RGS6: variants seen among roughly 807,000 people sequenced by gnomAD.
The protein encoded by RGS6 is regulator of G-protein signaling 6.
A neutral mutation model predicts 78.5 loss-of-function variants in RGS6; 30 were observed. That is an observed-to-expected ratio of 0.38 (90% CI 0.29 to 0.52). The LOEUF is 0.52. Ranked by LOEUF, RGS6 falls within the 20% of genes least tolerant of loss-of-function variation. RGS6 has a pLI of 0.85. For synonymous variants in RGS6, 206 were observed against 206.0 expected (o/e 1.00, Z 0.00); for missense variants, 495 against 609.7 (o/e 0.81, Z 1.98).
At chr14:71,919,134 A>G in the RGS6 span, among the ~76,000 whole-genome samples, 6 of 152,136 alleles carry the variant, frequency 3.9e-5, no homozygotes, top group Admixed American at 6.5e-5. Context: ...TAAGGAGTCA[A>G]TTTTGTCATC....
chr14:72,469,792 G>A, intron 7 of RGS6: 1 of 473,238 alleles, frequency 2.1e-6, no homozygotes. Flanking sequence ...AGAGACTTCA[G>A]ACTTAATGGG....
intron 2 of RGS6, among the ~76,000 whole-genome samples, chr14:72,294,697 G>C (rs2064334007): frequency 6.6e-6 from 1 of 152,096 alleles, no homozygotes; most frequent in Non-Finnish European, 1.5e-5. Context: ...CACATGGCCA[G>C]GGCAGGAGGG....
At position 72,231,878 on chromosome 14, in the gene RGS6, G is replaced by A. The variant is rs538787599; in HGVS notation, c.85-120217G>A. The stretch of plus-strand genomic sequence containing the variant: ...ATGAACTGGGATAGGTTGCAACAAG[G>A]AGCCATGTTGGGTGTGGTGGGTCAT... On this transcript the variant is annotated intron_variant, in intron 2 of 17. Transcript: ENST00000553525. Among the ~76,000 whole-genome samples the A allele has an allele frequency of 5.3e-5, 8 of 152,248 alleles. No homozygotes were observed. In the East Asian group the frequency reaches 1.5e-3, roughly 29 times the overall value.
intron 2 of RGS6, among the ~76,000 whole-genome samples, chr14:72,009,871 A>G (rs868147927): frequency 6.6e-5 from 10 of 152,218 alleles, no homozygotes; most frequent in South Asian, 4.1e-4. Flanking sequence ...ACTTGACACT[A>G]TTTCTGCCTT....
chr14:71,921,386 A>G, the RGS6 span, among the ~76,000 whole-genome samples: 1 of 152,268 alleles, frequency 6.6e-6, no homozygotes, highest in African/African-American at 2.4e-5. Flanking sequence ...ACCAAAGGAA[A>G]TGGAATTTGT....
chr14:72,584,547 G>A, the RGS6 span, among the ~76,000 whole-genome samples: 1 of 152,178 alleles, frequency 6.6e-6, no homozygotes, highest in Admixed American at 6.5e-5. Flanking sequence ...ACCATGCAGG[G>A]GTTGGGAGAA....
chr14:71,968,112 C>T (rs1479677743), intron 2 of RGS6, among the ~76,000 whole-genome samples: 1 of 152,018 alleles, frequency 6.6e-6, no homozygotes, highest in Non-Finnish European at 1.5e-5. Flanking sequence ...ATGAAGACAC[C>T]CAGACCTGTT....
intron 2 of RGS6, among the ~76,000 whole-genome samples, chr14:72,103,952 T>G (rs938139253): frequency 1.3e-5 from 2 of 152,370 alleles, no homozygotes; most frequent in Admixed American, 1.3e-4. Flanking sequence ...AAGGAGTTAA[T>G]GTAGGTGAAG....
At chr14:72,554,891 A>G (rs564505558) in intron 17 of RGS6, among the ~76,000 whole-genome samples, 62 of 152,332 alleles carry the variant, frequency 4.1e-4, no homozygotes, top group African/African-American at 1.4e-3. Flanking sequence ...TCAGCTGCTG[A>G]GTCCTTGTCT....
intron 3 of RGS6, among the ~76,000 whole-genome samples, chr14:72,388,580 T>C (rs1194403965): frequency 5.9e-5 from 9 of 152,182 alleles, no homozygotes; most frequent in Non-Finnish European, 1.2e-4. Flanking sequence ...CAGGCAGCTC[T>C]TCTGGACCTG....
intron 2 of RGS6, among the ~76,000 whole-genome samples, chr14:72,184,633 G>T (rs1343350520): frequency 6.6e-6 from 1 of 152,078 alleles, no homozygotes; most frequent in South Asian, 2.1e-4. Context: ...AAGGCAGAAG[G>T]GGGGACTTGG....
chr14:72,021,464 CT>C (rs533727083), intron 2 of RGS6, among the ~76,000 whole-genome samples: 2,227 of 122,380 alleles, frequency 0.018, 22 homozygotes, highest in African/African-American at 0.034. Flanking sequence ...CTTTTTCTAA[CT>C]TTTTTTTTTT....
intron 2 of RGS6, among the ~76,000 whole-genome samples, chr14:72,195,330 A>T (rs1180069999): frequency 6.6e-6 from 1 of 152,226 alleles, no homozygotes; most frequent in African/African-American, 2.4e-5. Flanking sequence ...TCTCTTAGTG[A>T]CAATACCAAG....
At chr14:72,540,452 A>G (rs896928562) in intron 17 of RGS6, 2 of 1,509,700 alleles carry the variant, frequency 1.3e-6, no homozygotes, top group African/African-American at 1.4e-5. Context: ...CCATCGAACT[A>G]TACCGTGAAA....
At chr14:72,134,454 A>G (rs972206635) in intron 2 of RGS6, among the ~76,000 whole-genome samples, 5 of 152,010 alleles carry the variant, frequency 3.3e-5, no homozygotes, top group African/African-American at 1.2e-4. Flanking sequence ...GGTAAATTCT[A>G]CAGAAACATT....
intron 2 of RGS6, among the ~76,000 whole-genome samples, chr14:72,254,088 G>A (rs1377673885): frequency 1.3e-5 from 2 of 152,164 alleles, no homozygotes; most frequent in East Asian, 1.9e-4. Context: ...TTGAAACAGC[G>A]TGACTGCAAA....
intron 11 of RGS6, 181 bp downstream of exon 11, chr14:72,477,021 A>G (rs1443618211): frequency 3.4e-6 from 2 of 584,832 alleles, no homozygotes; most frequent in Non-Finnish European, 6.1e-6. Context: ...GCTTGAGAGA[A>G]AGAATTCTCT....
At chr14:72,034,821 T>G (rs1474254498) in intron 2 of RGS6, among the ~76,000 whole-genome samples, 2 of 152,188 alleles carry the variant, frequency 1.3e-5, no homozygotes, top group Non-Finnish European at 2.9e-5. Context: ...AGGTTTTTGA[T>G]TACTTACTTA....
Position 72,298,599 on chromosome 14 carries a change from C to T in RGS6, c.85-53496C>T, listed in dbSNP as rs370398716. ...AGTAGCTGGGACTACAGGCACCCACCATGACATCCGGCTAATTTTTTTGTA... is the reference window on the plus strand; with the variant it reads ...AGTAGCTGGGACTACAGGCACCCACTATGACATCCGGCTAATTTTTTTGTA... On this transcript the variant is annotated intron_variant, in intron 2 of 17. Transcript: ENST00000553525. 4.5e-4 allele frequency among the ~76,000 whole-genome samples: 68 copies of T among 152,088 alleles called. 2 individuals carry two copies. In the South Asian group the frequency reaches 0.014, roughly 31 times the overall value.
Sources: gnomAD v4.1 joint callset for allele counts (sites outside exome capture counted in the v4.1 genomes callset) on GRCh38, gnomAD v4.1.1 for gene constraint, MANE v1.5 for transcripts, NCBI Gene and HGNC (gene_info 2026-07-23, HGNC 2026-07-21) for gene names.